The following ROBO2 variants were observed in gnomAD, a reference collection of about 807,000 sequenced individuals.
ROBO2 encodes roundabout homolog 2.
ROBO2 carries 53 observed loss-of-function variants against 160.8 expected under a neutral mutation model. The observed-to-expected ratio is 0.33, with a 90% CI of 0.26 to 0.41. The LOEUF (loss-of-function observed/expected upper bound fraction) is 0.41. ROBO2 is among the 10% of genes least tolerant of loss of function. ROBO2 has a pLI of 1.00. For missense variants in ROBO2, 1,577 were observed against 1,722.4 expected (o/e 0.92, Z 1.49); for synonymous variants, 664 against 611.7 (o/e 1.09, Z -1.26).
At chr3:76,480,723 T>C (rs1560018314) in intron 2 of ROBO2, among the ~76,000 whole-genome samples, 3 of 152,106 alleles carry the variant, frequency 2.0e-5, no homozygotes, top group African/African-American at 4.8e-5. Context: ...TTTCTAAAGG[T>C]ACCACCTCCC....
At chr3:76,195,828 A>G (rs151072442) in intron 2 of ROBO2, among the ~76,000 whole-genome samples, 78 of 152,294 alleles carry the variant, frequency 5.1e-4, no homozygotes, top group Admixed American at 5.1e-3. Context: ...ACAGCTGCAA[A>G]TGGATGCAGC....
intron 1 of ROBO2, among the ~76,000 whole-genome samples, chr3:75,920,644 T>A (rs1946999761): frequency 6.6e-6 from 1 of 152,184 alleles, no homozygotes; most frequent in South Asian, 2.1e-4. Context: ...AGTTTCCCAC[T>A]ATTATTGTGT....
At chr3:76,401,124 G>A (rs962248951) in intron 2 of ROBO2, among the ~76,000 whole-genome samples, 1 of 151,526 alleles carries the variant, frequency 6.6e-6, no homozygotes, top group African/African-American at 2.4e-5. Context: ...CTGCAAGGGT[G>A]GAACATATGC....
chr3:76,298,161 T>C (rs934874900), intron 2 of ROBO2, among the ~76,000 whole-genome samples: 1 of 152,178 alleles, frequency 6.6e-6, no homozygotes, highest in Non-Finnish European at 1.5e-5. Flanking sequence ...TCCTAAGTGA[T>C]TTAATTGTTT....
intron 2 of ROBO2, among the ~76,000 whole-genome samples, chr3:76,215,376 A>C (rs34363795): frequency 0.33 from 50,575 of 152,060 alleles, 9,320 homozygotes; most frequent in Non-Finnish European, 0.41. Flanking sequence ...CTAAAGGAGG[A>C]AGTTCGAACC....
chr3:76,464,654 A>G (rs2078270748), intron 2 of ROBO2, among the ~76,000 whole-genome samples: 1 of 152,146 alleles, frequency 6.6e-6, no homozygotes, highest in Non-Finnish European at 1.5e-5. Context: ...CCCTTTCTCT[A>G]CTGGAAACTA....
At chr3:76,479,572 T>C (rs1021212421) in intron 2 of ROBO2, among the ~76,000 whole-genome samples, 1 of 152,180 alleles carries the variant, frequency 6.6e-6, no homozygotes, top group Non-Finnish European at 1.5e-5. Flanking sequence ...GTAAAAGAAA[T>C]TGCCCCAAGT....
chr3:76,898,503 G>C (rs183503058), intron 2 of ROBO2, among the ~76,000 whole-genome samples: 1 of 151,908 alleles, frequency 6.6e-6, no homozygotes, highest in Non-Finnish European at 1.5e-5. Context: ...ATCTAATTGC[G>C]ATATTTGTAA....
rs138397212 is a variant in ROBO2, at chr3:76,620,600, T to C, written c.110-477414T>C. On this transcript the variant is annotated intron_variant, in intron 2 of 26. Coordinates refer to the ROBO2 transcript ENST00000487694. Reference sequence around the variant, plus strand: ...TTACCCAATACTAATTTTTATGTGTTTAATATTTGTCTTTTTAAAACTGCT... The same window carrying C: ...TTACCCAATACTAATTTTTATGTGTCTAATATTTGTCTTTTTAAAACTGCT... 3.6e-3 allele frequency among the ~76,000 whole-genome samples: 544 copies of C among 152,284 alleles called. 4 individuals carry two copies. Among genetic ancestry groups the C allele is most frequent in the African/African-American group, 0.013 (526 of 41,556 alleles).
chr3:77,423,504 C>A (rs748502611), intron 2 of ROBO2, among the ~76,000 whole-genome samples: 1 of 152,164 alleles, frequency 6.6e-6, no homozygotes, highest in Non-Finnish European at 1.5e-5. Flanking sequence ...TAACCTCATA[C>A]AATTGTATTA....
intron 2 of ROBO2, among the ~76,000 whole-genome samples, chr3:77,439,728 CA>C (rs1331684398): frequency 6.6e-6 from 1 of 152,168 alleles, no homozygotes; most frequent in Non-Finnish European, 1.5e-5. Context: ...TGTCCTTCAA[CA>C]TTTCCTGTTT....
chr3:76,160,362 CTT>C (rs2072573288), intron 2 of ROBO2, among the ~76,000 whole-genome samples: 1 of 152,154 alleles, frequency 6.6e-6, no homozygotes, highest in African/African-American at 2.4e-5. Flanking sequence ...TGAGTGGAAA[CTT>C]TGCTCCACTT....
chr3:76,532,174 T>C (rs1434049577), intron 2 of ROBO2, among the ~76,000 whole-genome samples: 1 of 152,234 alleles, frequency 6.6e-6, no homozygotes, highest in Non-Finnish European at 1.5e-5. Flanking sequence ...CCTTTTCTTC[T>C]CTGCAATAAG....
chr3:77,268,433 T>A (rs747172834), intron 2 of ROBO2, among the ~76,000 whole-genome samples: 13 of 152,180 alleles, frequency 8.5e-5, no homozygotes, highest in Non-Finnish European at 1.9e-4. Flanking sequence ...AATTATTCAT[T>A]CTCCACTGAA....
chr3:77,088,086 T>A (rs2069592033), intron 1 of ROBO2, among the ~76,000 whole-genome samples: 1 of 152,056 alleles, frequency 6.6e-6, no homozygotes, highest in African/African-American at 2.4e-5. Context: ...GGAAATTGAA[T>A]AGCATTTTAA....
chr3:76,592,159 T>C (rs1168436615), intron 2 of ROBO2, among the ~76,000 whole-genome samples: 1 of 152,120 alleles, frequency 6.6e-6, no homozygotes, highest in African/African-American at 2.4e-5. Flanking sequence ...ACTTTCCTAT[T>C]GCTACCTCTC....
chr3:76,716,218 C>T (rs1233664983), intron 2 of ROBO2, among the ~76,000 whole-genome samples: 2 of 152,102 alleles, frequency 1.3e-5, no homozygotes, highest in Non-Finnish European at 2.9e-5. Flanking sequence ...GTTAATGATG[C>T]ATTCACTCAG....
rs139593561 is a variant in ROBO2 at position 76,346,279 on chromosome 3, G to A, written c.109+408677G>A. On this transcript the variant is annotated intron_variant, in intron 2 of 26. Transcript: ENST00000487694. Reference sequence around the variant, plus strand: ...TTTTTTTTTTTTGAGACAGAGTCTCGCTCTGTTGCCCAGGCTGGAGTGCAG... The same window carrying A: ...TTTTTTTTTTTTGAGACAGAGTCTCACTCTGTTGCCCAGGCTGGAGTGCAG... Among the ~76,000 whole-genome samples, 439 of 145,552 alleles carry A rather than the reference G, an allele frequency of 3.0e-3. 1 individual carries two copies. Among genetic ancestry groups the A allele is most frequent in the African/African-American group, 0.011 (425 of 39,632 alleles).
At chr3:76,964,746 C>T (rs1293336087) in intron 2 of ROBO2, among the ~76,000 whole-genome samples, 1 of 152,188 alleles carries the variant, frequency 6.6e-6, no homozygotes, top group Non-Finnish European at 1.5e-5. Context: ...TTATTCTACA[C>T]TATAATAGCA....
Sources: gnomAD v4.1 joint callset for allele counts (sites outside exome capture counted in the v4.1 genomes callset) on GRCh38, gnomAD v4.1.1 for gene constraint, MANE v1.5 for transcripts, NCBI Gene and HGNC (gene_info 2026-07-23, HGNC 2026-07-21) for gene names.